CSMD1: variants seen among roughly 807,000 people sequenced by gnomAD.
The protein encoded by CSMD1 is CUB and Sushi multiple domains 1, also known as CUB and sushi domain-containing protein 1.
A neutral mutation model predicts 417.5 loss-of-function variants in CSMD1; 213 were observed. That is an observed-to-expected ratio of 0.51 (90% CI 0.46 to 0.57). The LOEUF is 0.57. Ranked by LOEUF, CSMD1 falls within the 20% of genes least tolerant of loss-of-function variation. The pLI, the probability that CSMD1 is intolerant of heterozygous loss-of-function variation, is 0.00. For missense variants in CSMD1, 6,923 were observed against 4,529.7 expected (o/e 1.53, Z -15.17); for synonymous variants, 2,862 against 1,736.8 (o/e 1.65, Z -16.11).
intron 5 of CSMD1, among the ~76,000 whole-genome samples, chr8:3,804,473 G>A (rs988765626): frequency 2.0e-5 from 3 of 152,072 alleles, no homozygotes; most frequent in African/African-American, 4.8e-5. Context: ...AATGGACTAT[G>A]GAATAATGGA....
chr8:3,488,086 G>GTATTAT lies in CSMD1; in HGVS notation c.1448+5531_1448+5536dup, dbSNP rs34188243. On this transcript the variant is annotated intron_variant, in intron 11 of 69. Transcript: ENST00000635120. ...CCAAATAAATGTTTAGAAACTCATA[G>GTATTAT]TATTATTATTATTATTATTATTATT... Among the ~76,000 whole-genome samples the GTATTAT allele has an allele frequency of 1.7e-3, 255 of 148,294 alleles. 2 individuals are homozygous for GTATTAT. Among genetic ancestry groups the GTATTAT allele is most frequent in the African/African-American group, 4.6e-3 (187 of 40,220 alleles).
chr8:3,729,886 C>T (rs1224316734), intron 6 of CSMD1, among the ~76,000 whole-genome samples: 1 of 131,384 alleles, frequency 7.6e-6, no homozygotes, highest in East Asian at 2.3e-4. Flanking sequence ...CACTGTACTC[C>T]CCAAATCTAC....
intron 1 of CSMD1, among the ~76,000 whole-genome samples, chr8:4,835,183 G>A (rs1309129924): frequency 6.6e-6 from 1 of 151,798 alleles, no homozygotes; most frequent in African/African-American, 2.4e-5. Context: ...TGAAGCGAAG[G>A]ACAATCAAGA....
At chr8:3,666,065 T>C (rs1798677788) in intron 7 of CSMD1, among the ~76,000 whole-genome samples, 1 of 152,120 alleles carries the variant, frequency 6.6e-6, no homozygotes, top group Admixed American at 6.5e-5. Flanking sequence ...CTGGCTAATT[T>C]TTGTATCTGT....
In CSMD1 at chr8:4,785,805, G is replaced by T. The variant is rs545452871; in HGVS notation, c.86-148247C>A. ...CCTTATAAGATATAAGTGTTGCCCA[G>T]ACTCGTTAAATGGTGAAACTGTCAC... On this transcript the variant is annotated intron_variant, in intron 1 of 69. Coordinates refer to ENST00000635120, the MANE Select transcript of CSMD1 (RefSeq NM_033225.6). Among the ~76,000 whole-genome samples the T allele has an allele frequency of 2.6e-5, 4 of 152,246 alleles. No individual in the cohort carries two copies. The South Asian group carries it at 8.3e-4, about 32-fold the overall frequency.
At chr8:4,128,836 C>T (rs982700513) in intron 3 of CSMD1, among the ~76,000 whole-genome samples, 1 of 152,054 alleles carries the variant, frequency 6.6e-6, no homozygotes, top group Non-Finnish European at 1.5e-5. Flanking sequence ...GGATTCATGT[C>T]ATTATTGGTA....
At chr8:3,883,037 C>A (rs905758983) in intron 5 of CSMD1, among the ~76,000 whole-genome samples, 5 of 152,104 alleles carry the variant, frequency 3.3e-5, no homozygotes, top group African/African-American at 1.2e-4. Flanking sequence ...AATAAAACGC[C>A]TGAACATATC....
chr8:3,921,882 A>G (rs952324736), intron 5 of CSMD1, among the ~76,000 whole-genome samples: 14 of 152,220 alleles, frequency 9.2e-5, no homozygotes, highest in African/African-American at 3.1e-4. Flanking sequence ...AAGGTTCTGC[A>G]TGTGTCTGTT....
intron 3 of CSMD1, among the ~76,000 whole-genome samples, chr8:4,201,297 G>A (rs1211605507): frequency 6.6e-6 from 1 of 152,102 alleles, no homozygotes; most frequent in Non-Finnish European, 1.5e-5. Context: ...CCAGCACTTT[G>A]GGAGGCCGAG....
At chr8:3,142,711 T>C in intron 40 of CSMD1, 37 bp from the exon 41 acceptor site, 2 of 1,494,158 alleles carry the variant, frequency 1.3e-6, no homozygotes, top group Non-Finnish European at 1.9e-6. Context: ...AAAGTTCATA[T>C]CAAAATGTAT....
At chr8:4,961,120 C>A (rs1373663686) in intron 1 of CSMD1, among the ~76,000 whole-genome samples, 2 of 152,178 alleles carry the variant, frequency 1.3e-5, no homozygotes, top group African/African-American at 2.4e-5. Context: ...AAATCCAAGT[C>A]ATTTACTATG....
chr8:4,477,306 G>A (rs566803651), intron 2 of CSMD1, among the ~76,000 whole-genome samples: 1 of 152,256 alleles, frequency 6.6e-6, no homozygotes, highest in Non-Finnish European at 1.5e-5. Flanking sequence ...CCTCACCGTG[G>A]GGAAGCCGAG....
At chr8:3,668,498 G>T (rs183159507) in intron 7 of CSMD1, among the ~76,000 whole-genome samples, 1 of 152,212 alleles carries the variant, frequency 6.6e-6, no homozygotes, top group East Asian at 1.9e-4. Flanking sequence ...GGAGAACGGA[G>T]AGAGTTTGTC....
intron 5 of CSMD1, among the ~76,000 whole-genome samples, chr8:3,962,885 G>C (rs963113235): frequency 1.3e-5 from 2 of 152,140 alleles, no homozygotes; most frequent in Admixed American, 1.3e-4. Context: ...AACAACTGAA[G>C]CCTGTTTTTA....
intron 24 of CSMD1, 74 bp from the exon 25 acceptor site, chr8:3,307,895 C>A: frequency 6.5e-7 from 1 of 1,530,720 alleles, no homozygotes; most frequent in Non-Finnish European, 8.8e-7. Context: ...CTTTTCAAAA[C>A]CAAAGCCATT....
chr8:4,185,575 G>C (rs7017485), intron 3 of CSMD1, among the ~76,000 whole-genome samples: 92,407 of 152,018 alleles, frequency 0.61, 29,748 homozygotes, highest in South Asian at 0.79. Flanking sequence ...TGGATCAAAA[G>C]TATCCTACCT....
intron 61 of CSMD1, 74 bp downstream of exon 61, chr8:2,962,392 A>G (rs1803565459): frequency 7.5e-7 from 1 of 1,341,458 alleles, no homozygotes; most frequent in Non-Finnish European, 1.0e-6. Context: ...ATCACAAATG[A>G]CCCAATTTCG....
intron 3 of CSMD1, among the ~76,000 whole-genome samples, chr8:4,080,117 T>C (rs2130809554): frequency 6.6e-6 from 1 of 152,142 alleles, no homozygotes; most frequent in Admixed American, 6.5e-5. Context: ...GTTCCATGTA[T>C]ACACCCCCAT....
chr8:4,342,548 C>T lies in CSMD1; in HGVS notation c.415+77405G>A, dbSNP rs563862654. 1.9e-3 allele frequency among the ~76,000 whole-genome samples: 288 copies of T among 151,984 alleles called. 2 individuals carry two copies. The highest frequency in any genetic ancestry group is 3.4e-3 in the Middle Eastern group (1 of 294). On this transcript the variant is annotated intron_variant, in intron 3 of 69. Coordinates refer to ENST00000635120, the MANE Select transcript of CSMD1 (RefSeq NM_033225.6). ...CATTTTCCTGATGTATGACATTTGC[C>T]CAGTAAGTGATCCTCTCAGATGGAC...
Sources: gnomAD v4.1 joint callset for allele counts (sites outside exome capture counted in the v4.1 genomes callset) on GRCh38, gnomAD v4.1.1 for gene constraint, MANE v1.5 for transcripts, NCBI Gene and HGNC (gene_info 2026-07-23, HGNC 2026-07-21) for gene names.